The following RIC1 variants were observed in gnomAD, a reference collection of about 807,000 sequenced individuals.
RIC1 encodes RIC1 partner of RAB6A GEF complex, also known as guanine nucleotide exchange factor subunit RIC1.
Under a neutral mutation model 169.0 loss-of-function variants are expected in RIC1, and 88 were observed. That is an observed-to-expected ratio of 0.52 (90% CI 0.44 to 0.62). RIC1 has a LOEUF of 0.62. Ranked by LOEUF, RIC1 falls within the 20% of genes least tolerant of loss-of-function variation. The probability of loss-of-function intolerance (pLI) is 0.00; values close to 1 mark genes in which losing one functional copy is unlikely to be tolerated. For synonymous variants in RIC1, 790 were observed against 601.5 expected, an observed-to-expected ratio of 1.31 and a Z score of -4.59; for missense variants, 1,877 against 1,725.5, an observed-to-expected ratio of 1.09 and a Z score of -1.56.
intron 6 of RIC1, among the ~76,000 whole-genome samples, chr9:5,731,027 C>T (rs535436580): frequency 3.3e-5 from 5 of 152,258 alleles, no homozygotes; most frequent in Admixed American, 6.5e-5. Flanking sequence ...CAAAAGGCAT[C>T]CTTATAGGGA....
chr9:5,687,146 CATT>C (rs1482641293), intron 2 of RIC1, among the ~76,000 whole-genome samples: 2 of 152,162 alleles, frequency 1.3e-5, no homozygotes, highest in Non-Finnish European at 2.9e-5. Context: ...AATGTGACCT[CATT>C]ATTCTTTTAA....
intron 1 of RIC1, among the ~76,000 whole-genome samples, chr9:5,647,071 C>G (rs926148751): frequency 6.6e-6 from 1 of 152,240 alleles, no homozygotes; most frequent in African/African-American, 2.4e-5. Context: ...GACTTTCTTT[C>G]CTTTTCCCCT....
At chr9:5,750,169 T>A (rs1378381877) in intron 12 of RIC1, among the ~76,000 whole-genome samples, 1 of 151,918 alleles carries the variant, frequency 6.6e-6, no homozygotes, top group Non-Finnish European at 1.5e-5. Flanking sequence ...TTTGTTGACA[T>A]ATGGGGCACA....
intron 6 of RIC1, among the ~76,000 whole-genome samples, chr9:5,722,507 T>G (rs1823667745): frequency 1.3e-5 from 2 of 152,086 alleles, no homozygotes; most frequent in Non-Finnish European, 2.9e-5. Flanking sequence ...TAGAAAGAAC[T>G]TACACTGGTT....
chr9:5,672,167 C>T (rs1283550053), intron 2 of RIC1, among the ~76,000 whole-genome samples: 1 of 152,156 alleles, frequency 6.6e-6, no homozygotes, highest in African/African-American at 2.4e-5. Flanking sequence ...GTCACTTTAT[C>T]CAGCATCTGT....
intron 2 of RIC1, among the ~76,000 whole-genome samples, chr9:5,669,393 C>G (rs1819962616): frequency 6.6e-6 from 1 of 152,202 alleles, no homozygotes. Context: ...GTTTGGTTTT[C>G]CATTCCTGAA....
At chr9:5,693,331 C>A (rs953581793) in intron 3 of RIC1, among the ~76,000 whole-genome samples, 2 of 152,076 alleles carry the variant, frequency 1.3e-5, no homozygotes, top group Admixed American at 6.5e-5. Context: ...TATCCTTTTC[C>A]ACTATGCTCC....
At chr9:5,660,360 G>T (rs1221266162) in intron 2 of RIC1, among the ~76,000 whole-genome samples, 3 of 151,980 alleles carry the variant, frequency 2.0e-5, no homozygotes, top group African/African-American at 7.2e-5. Context: ...TATTTTGGGG[G>T]GTATACCCAG....
chr9:5,739,803 G>C (rs987707193), intron 8 of RIC1, among the ~76,000 whole-genome samples: 1 of 152,198 alleles, frequency 6.6e-6, no homozygotes, highest in Non-Finnish European at 1.5e-5. Context: ...TACAAACTCA[G>C]TGAATCTAGC....
At chr9:5,766,363 C>T (rs930685770) in intron 21 of RIC1, among the ~76,000 whole-genome samples, 4 of 151,996 alleles carry the variant, frequency 2.6e-5, no homozygotes, top group Admixed American at 6.6e-5. Context: ...CTTTTTTTTC[C>T]CATAAGTTAC....
chr9:5,650,310 G>A (rs148158000), intron 1 of RIC1, among the ~76,000 whole-genome samples: 2,379 of 152,184 alleles, frequency 0.016, 30 homozygotes, highest in Non-Finnish European at 0.027. Context: ...CTTCCCTGTA[G>A]GAGTGCGTAT....
chr9:5,732,705 G>A (rs571690837), intron 7 of RIC1, among the ~76,000 whole-genome samples: 3 of 152,236 alleles, frequency 2.0e-5, no homozygotes, highest in East Asian at 1.9e-4. Context: ...AAAAGTTAGC[G>A]TTTTCTTCAG....
At chr9:5,637,996 G>T (rs1394788550) in intron 1 of RIC1, among the ~76,000 whole-genome samples, 2 of 152,112 alleles carry the variant, frequency 1.3e-5, no homozygotes, top group African/African-American at 4.8e-5. Flanking sequence ...GTTATATATG[G>T]CTTTTATTAT....
intron 1 of RIC1, among the ~76,000 whole-genome samples, chr9:5,652,112 G>T (rs1586883241): frequency 6.9e-6 from 1 of 145,310 alleles, no homozygotes; most frequent in Non-Finnish European, 1.5e-5. Flanking sequence ...GGTTAATACA[G>T]CTTTGTAGTA....
chr9:5,759,501 TG>T (rs1183260142), intron 17 of RIC1, among the ~76,000 whole-genome samples: 1 of 152,222 alleles, frequency 6.6e-6, no homozygotes, highest in Non-Finnish European at 1.5e-5. Flanking sequence ...AAAAGTCATT[TG>T]TGAGGCAAAT....
intron 12 of RIC1, among the ~76,000 whole-genome samples, chr9:5,751,847 C>T (rs971358109): frequency 4.6e-5 from 7 of 152,166 alleles, no homozygotes; most frequent in Non-Finnish European, 1.5e-5. Context: ...ACTTAATTTT[C>T]TGTCTTCACA....
At chr9:5,700,618 T>A (rs1309600569) in intron 3 of RIC1, among the ~76,000 whole-genome samples, 1 of 151,560 alleles carries the variant, frequency 6.6e-6, no homozygotes, top group East Asian at 1.9e-4. Context: ...ATTATATATT[T>A]TGTTTCTTCT....
At chr9:5,635,558 G>C (rs976568327) in intron 1 of RIC1, among the ~76,000 whole-genome samples, 4 of 152,206 alleles carry the variant, frequency 2.6e-5, no homozygotes, top group Middle Eastern at 6.8e-3. Context: ...TTTTATGTCA[G>C]TACCATACTA....
chr9:5,656,561 T>C, intron 1 of RIC1, 22 bp from the exon 2 acceptor site: 2 of 1,218,292 alleles, frequency 1.6e-6, no homozygotes, highest in Admixed American at 2.4e-5. Context: ...AATACAACTT[T>C]TTTTTTTTTT....
Sources: allele counts gnomAD v4.1 joint callset (sites outside exome capture counted in the v4.1 genomes callset), GRCh38; gene constraint gnomAD v4.1.1; transcripts MANE v1.5; gene names NCBI Gene and HGNC (gene_info 2026-07-23, HGNC 2026-07-21).